The following ARID1B variants were observed in gnomAD, a reference collection of about 807,000 sequenced individuals.
ARID1B encodes the protein AT-rich interaction domain 1B.
A neutral mutation model predicts 212.3 loss-of-function variants in ARID1B; 30 were observed. The observed-to-expected ratio is 0.14, with a 90% CI of 0.11 to 0.19. The LOEUF (loss-of-function observed/expected upper bound fraction) is 0.19, where lower values mean the gene tolerates loss of function less well. Among genes scored for constraint, ARID1B ranks in the 10% least tolerant of loss-of-function variants. ARID1B has a pLI of 1.00. For missense variants in ARID1B, 2,891 were observed against 3,204.0 expected, an observed-to-expected ratio of 0.90 and a Z score of 2.36; for synonymous variants, 1,402 against 1,301.7, an observed-to-expected ratio of 1.08 and a Z score of -1.66.
At chr6:157,120,617 A>C (rs976720551) in intron 6 of ARID1B, among the ~76,000 whole-genome samples, 1 of 152,290 alleles carries the variant, frequency 6.6e-6, no homozygotes, top group South Asian at 2.1e-4. Context: ...TGTGACACCT[A>C]TTTGTGAAGA....
chr6:156,879,059 G>A (rs1256229641), intron 2 of ARID1B, among the ~76,000 whole-genome samples: 1 of 152,216 alleles, frequency 6.6e-6, no homozygotes, highest in East Asian at 1.9e-4. Context: ...TGACTCCAGT[G>A]CCCATGGAGG....
At chr6:157,045,009 C>T (rs1157530663) in intron 4 of ARID1B, among the ~76,000 whole-genome samples, 5 of 151,996 alleles carry the variant, frequency 3.3e-5, no homozygotes, top group African/African-American at 4.8e-5. Flanking sequence ...TTAGAACAGC[C>T]ATTTTAAAAA....
At chr6:157,151,230 A>C (rs1018360808) in intron 8 of ARID1B, 3 of 152,092 alleles carry the variant, frequency 2.0e-5, no homozygotes, top group Non-Finnish European at 2.9e-5. Context: ...TTTGTCTAGG[A>C]ACCTGTGTTG....
chr6:156,922,173 C>CCT (rs1790862728), intron 3 of ARID1B, among the ~76,000 whole-genome samples: 1 of 138,078 alleles, frequency 7.2e-6, no homozygotes, highest in Admixed American at 7.3e-5. Context: ...ATAGGTTGCC[C>CCT]TTTTTTTTTT....
intron 3 of ARID1B, among the ~76,000 whole-genome samples, chr6:156,914,267 A>G (rs1457030194): frequency 6.6e-6 from 1 of 152,156 alleles, no homozygotes; most frequent in Non-Finnish European, 1.5e-5. Context: ...TAGAGGCCAC[A>G]TTTGAGTGAG....
At chr6:157,036,572 A>G (rs1394257062) in intron 4 of ARID1B, 4 of 297,522 alleles carry the variant, frequency 1.3e-5, no homozygotes, top group African/African-American at 2.2e-5. Context: ...AGGAACTTCA[A>G]CCACTACGTC....
At chr6:156,852,901 A>C (rs1423910263) in intron 2 of ARID1B, among the ~76,000 whole-genome samples, 2 of 152,218 alleles carry the variant, frequency 1.3e-5, no homozygotes, top group East Asian at 3.8e-4. Context: ...AAGGTTTACT[A>C]AACAAACAGG....
In ARID1B at chr6:157,039,878, T is replaced by TCCTTCCTTCCTTCCTTCCTTCC. The variant is rs1296164311; in HGVS notation, c.2248-44784_2248-44783insCCTTCCTTCCTTCCTTCCTTCC. Among the ~76,000 whole-genome samples, 32 of 92,006 alleles carry TCCTTCCTTCCTTCCTTCCTTCC rather than the reference T, an allele frequency of 3.5e-4. 2 individuals carry two copies. The highest frequency in any genetic ancestry group is 4.8e-4 in the African/African-American group (10 of 20,970). The allele number at this position is 92,006 out of a possible 152,430, so 60.4% of individuals were successfully genotyped here. A position where few individuals can be genotyped will look rare whatever the true frequency, so the allele number is the denominator to read the frequency against. On this transcript the variant is annotated intron_variant, in intron 4 of 19. Coordinates refer to ENST00000636930, the MANE Select transcript of ARID1B (RefSeq NM_001374828.1). ...TCTCTTTCTCTCTCTTTCTCTTTCT[T>TCCTTCCTTCCTTCCTTCCTTCC]TTCTCTTCCTTCCTTCCTTCCTTCC...
intron 1 of ARID1B, among the ~76,000 whole-genome samples, chr6:156,799,663 A>G (rs756017995): frequency 6.6e-6 from 1 of 152,180 alleles, no homozygotes; most frequent in Non-Finnish European, 1.5e-5. Context: ...TTTTTAGTAC[A>G]GATGGGGTTT....
At chr6:157,142,935 G>A (rs561708957) in intron 7 of ARID1B, among the ~76,000 whole-genome samples, 16 of 152,272 alleles carry the variant, frequency 1.1e-4, no homozygotes, top group Non-Finnish European at 1.9e-4. Context: ...GTATATGAGT[G>A]GAAACATTTA....
At chr6:157,140,038 TTAA>T (rs1789230456) in intron 7 of ARID1B, among the ~76,000 whole-genome samples, 1 of 152,144 alleles carries the variant, frequency 6.6e-6, no homozygotes, top group African/African-American at 2.4e-5. Flanking sequence ...TATATATTTT[TTAA>T]TGTCAGTGCT....
Position 156,893,466 on chromosome 6 carries a change from A to G in ARID1B, c.1987-7910A>G, listed in dbSNP as rs538931150. 4.6e-5 allele frequency among the ~76,000 whole-genome samples: 7 copies of G among 152,342 alleles called. No individual in the cohort carries two copies. The East Asian group carries it at 1.2e-3, about 25-fold the overall frequency. The stretch of plus-strand genomic sequence containing the variant: ...GTCAAAGTTTTAAAAACTTTTGAGC[A>G]TCAAAGGAGACTATCGAGAGAGTGA... On this transcript the variant is annotated intron_variant, in intron 2 of 19. Transcript: ENST00000636930.
At chr6:156,900,908 A>G (rs991895891) in intron 2 of ARID1B, among the ~76,000 whole-genome samples, 12 of 152,234 alleles carry the variant, frequency 7.9e-5, no homozygotes, top group African/African-American at 2.9e-4. Context: ...TGCCGTTGGT[A>G]TATTCTGACT....
At chr6:156,916,945 CAG>C (rs1491389277) in intron 3 of ARID1B, among the ~76,000 whole-genome samples, 1 of 152,164 alleles carries the variant, frequency 6.6e-6, no homozygotes, top group Non-Finnish European at 1.5e-5. Flanking sequence ...TGGCCGCAGA[CAG>C]GGGGCTGTCT....
intron 8 of ARID1B, among the ~76,000 whole-genome samples, chr6:157,157,603 G>A (rs1034102912): frequency 1.3e-5 from 2 of 152,206 alleles, no homozygotes; most frequent in Admixed American, 6.5e-5. Context: ...GGAAAGTGTC[G>A]TGGGTCACAG....
chr6:156,969,892 CTTTT>C (rs201337033), intron 4 of ARID1B, among the ~76,000 whole-genome samples: 15,374 of 134,526 alleles, frequency 0.11, 1,064 homozygotes, highest in East Asian at 0.23. Context: ...TTATATAATG[CTTTT>C]TTTTTTTTTT....
At chr6:157,054,415 T>C (rs1782805188) in intron 4 of ARID1B, among the ~76,000 whole-genome samples, 1 of 152,236 alleles carries the variant, frequency 6.6e-6, no homozygotes, top group Admixed American at 6.5e-5. Context: ...TGGTAGTGAG[T>C]TATAGTTTTT....
At chr6:156,940,508 T>C (rs1792587520) in intron 4 of ARID1B, 1 of 152,188 alleles carries the variant, frequency 6.6e-6, no homozygotes, top group Admixed American at 6.5e-5. Flanking sequence ...TTCTTTGAAA[T>C]AGAGGGTGTT....
rs930219135 is a variant in ARID1B, at chr6:157,190,561, A to G, written c.4231+351A>G. 3.3e-5 allele frequency among the ~76,000 whole-genome samples: 5 copies of G among 152,212 alleles called. No homozygotes were observed. The highest frequency in any genetic ancestry group is 1.2e-4 in the African/African-American group (5 of 41,456). On this transcript the variant is annotated intron_variant, in intron 15 of 19. Transcript: ENST00000636930. The surrounding 1 kb of genome is among the most constrained non-coding windows in gnomAD (Gnocchi z 4.6). ...GCATGGCGAGGATTAAGTTCCTGCA[A>G]CAGAGCTCAGAGAAGAGTGGCTGGC...
Sources: gnomAD v4.1 joint callset for allele counts (sites outside exome capture counted in the v4.1 genomes callset) on GRCh38, gnomAD v4.1.1 for gene constraint, Gnocchi (gnomAD v3.1) non-coding constraint, MANE v1.5 for transcripts, NCBI Gene and HGNC (gene_info 2026-07-23, HGNC 2026-07-21) for gene names.